MPP4: variants seen among roughly 807,000 people sequenced by gnomAD.
MPP4 encodes MAGUK p55 subfamily member 4.
In MPP4, 91 loss-of-function variants were observed where a neutral mutation model predicts 98.3. The ratio of observed to expected loss-of-function variants is 0.93; its 90% CI spans 0.78 to 1.10. The LOEUF is 1.10. MPP4 is among the 50% of genes least tolerant of loss of function. The probability of loss-of-function intolerance (pLI) is 0.00; values close to 1 mark genes in which losing one functional copy is unlikely to be tolerated. For synonymous variants in MPP4, 261 were observed against 271.8 expected (o/e 0.96, Z 0.39); for missense variants, 744 against 792.9 (o/e 0.94, Z 0.74).
At chr2:201,648,407 TTA>T (rs1402405274) in intron 20 of MPP4, among the ~76,000 whole-genome samples, 1 of 152,224 alleles carries the variant, frequency 6.6e-6, no homozygotes, top group Non-Finnish European at 1.5e-5. Flanking sequence ...GCAATTATTT[TTA>T]GAGTATAGTC....
At chr2:201,688,486 A>C (rs1056955607) in intron 4 of MPP4, among the ~76,000 whole-genome samples, 1 of 152,222 alleles carries the variant, frequency 6.6e-6, no homozygotes, top group African/African-American at 2.4e-5. Context: ...AGAAGGTGGC[A>C]TTTGAGTGGA....
intron 18 of MPP4, among the ~76,000 whole-genome samples, chr2:201,652,827 G>A (rs1263391839): frequency 6.6e-6 from 1 of 152,200 alleles, no homozygotes; most frequent in East Asian, 1.9e-4. Flanking sequence ...TAAGGCTAGA[G>A]TGCAGGGAGG....
chr2:201,656,923 T>G (rs573322862), intron 16 of MPP4, among the ~76,000 whole-genome samples: 2 of 152,170 alleles, frequency 1.3e-5, no homozygotes, highest in African/African-American at 4.8e-5. Context: ...GAAGCCTGTA[T>G]AGCTGCAGGG....
intron 11 of MPP4, chr2:201,674,957 C>T: frequency 1.6e-6 from 1 of 615,328 alleles, no homozygotes; most frequent in South Asian, 1.7e-5. Context: ...AGCTTCAACT[C>T]CCTATGATTT....
At chr2:201,686,127 A>C in intron 5 of MPP4, 77 bp from the exon 6 acceptor site, 1 of 1,515,504 alleles carries the variant, frequency 6.6e-7, no homozygotes, top group African/African-American at 1.4e-5. Context: ...ACTCAATACT[A>C]TCTAAGACAC....
chr2:201,681,098 G>T, intron 9 of MPP4, 64 bp from the exon 10 acceptor site: 2 of 1,507,894 alleles, frequency 1.3e-6, no homozygotes, highest in Non-Finnish European at 1.8e-6. Flanking sequence ...AAGAACCCTT[G>T]CCCATGGGCC....
intron 18 of MPP4, chr2:201,651,751 C>T (rs1043373507): frequency 1.7e-6 from 1 of 588,054 alleles, no homozygotes; most frequent in Admixed American, 6.4e-5. Context: ...GTCAGGAGTA[C>T]AAGACCAGCC....
At chr2:201,669,119 TGTGAGAGAGA>T (rs1688266865) in intron 12 of MPP4, among the ~76,000 whole-genome samples, 1 of 134,000 alleles carries the variant, frequency 7.5e-6, no homozygotes, top group Non-Finnish European at 1.6e-5. Context: ...TGTGTGTGTG[TGTGAGAGAGA>T]GAGAGAGAGA....
chr2:201,692,868 C>A (rs201652447), intron 3 of MPP4, 40 bp downstream of exon 3: 2 of 1,595,258 alleles, frequency 1.3e-6, no homozygotes, highest in Admixed American at 1.7e-5. Context: ...CCCCACAACC[C>A]CTTCAGCAAG....
At chr2:201,684,490 T>A (rs1252482837) in intron 7 of MPP4, among the ~76,000 whole-genome samples, 1 of 152,214 alleles carries the variant, frequency 6.6e-6, no homozygotes, top group Admixed American at 6.5e-5. Flanking sequence ...TAGTTACCTT[T>A]GAGGTTGCCA....
intron 3 of MPP4, among the ~76,000 whole-genome samples, chr2:201,692,509 A>C (rs1258257935): frequency 2.0e-5 from 3 of 149,132 alleles, no homozygotes; most frequent in African/African-American, 4.9e-5. Context: ...AGGCCAGCGC[A>C]TTCCAGCCTG....
Position 201,656,327 on chromosome 2 carries a change from G to A in MPP4, c.1171C>T (p.His391Tyr), listed in dbSNP as rs1687847344. The change falls in exon 17 of 22, where the codon CAC becomes TAC. Residue 391 changes from histidine (H) to tyrosine (Y), a missense_variant. By Grantham distance (83) the His-to-Tyr change is moderately conservative (BLOSUM62 2). Coordinates refer to ENST00000409474, the MANE Select transcript of MPP4 (RefSeq NM_033066.3). ...RSMRLCRRKS[H>Y]LSPLHASVCC... Reference sequence around the variant, plus strand: ...ACACTGGCATGCAGCGGGCTGAGGTGAGACTTCCTGCGACAAAGGCGCATG... The same window carrying A: ...ACACTGGCATGCAGCGGGCTGAGGTAAGACTTCCTGCGACAAAGGCGCATG... 1 of 1,557,414 alleles carries A rather than the reference G, an allele frequency of 6.4e-7. No homozygotes were observed. The highest frequency in any genetic ancestry group is 1.9e-5 in the Admixed American group (1 of 51,448).
chr2:201,645,474 A>G (rs1439226158), intron 21 of MPP4, 70 bp from the exon 22 acceptor site: 13 of 1,283,652 alleles, frequency 1.0e-5, no homozygotes, highest in Non-Finnish European at 1.4e-5. Context: ...ACAGTTTGTT[A>G]TGCTGTCACA....
intron 5 of MPP4, among the ~76,000 whole-genome samples, chr2:201,686,832 T>G (rs1389460836): frequency 6.6e-6 from 1 of 152,250 alleles, no homozygotes; most frequent in Admixed American, 6.5e-5. Context: ...CTGTAAGTAC[T>G]AAGAGATAGG....
intron 7 of MPP4, 73 bp downstream of exon 7, chr2:201,684,991 C>A: frequency 2.2e-5 from 25 of 1,125,168 alleles, no homozygotes; most frequent in Non-Finnish European, 2.9e-5. Context: ...AGGGATTTCT[C>A]TAGAAAGAAG....
At position 201,650,184 on chromosome 2, in the gene MPP4, G is replaced by T. The variant is rs774294099; in HGVS notation, c.1382-19C>A. On this transcript the variant is annotated intron_variant, in intron 18 of 21. Transcript: ENST00000409474. ...GTAGTGTCTATCAGAAAAAGGGAATGAAAGGTTTCAGTGTCTTCAGAATTC... is the reference window on the plus strand; with the variant it reads ...GTAGTGTCTATCAGAAAAAGGGAATTAAAGGTTTCAGTGTCTTCAGAATTC... 7.7e-6 allele frequency: 12 copies of T among 1,550,176 alleles called. No homozygotes were observed. In the South Asian group the frequency reaches 1.2e-4, roughly 16 times the overall value.
In MPP4 at chr2:201,650,096, A is replaced by T; in HGVS notation, c.1451T>A (p.Phe484Tyr). ...CCTGTGACTATATATGAGGTTTTCA[A>T]ATGTTTCCTTGGACACATAGTGATA... ...REYHYVSKET[F>Y]ENLIYSHRML... is the part of the protein sequence containing the mutation. The change falls in exon 19 of 22, where the codon TTT (phenylalanine) becomes TAT (tyrosine). Residue 484 changes from phenylalanine (F) to tyrosine (Y), a missense_variant. Physicochemically the swap from Phe to Tyr is conservative, Grantham distance 22 (BLOSUM62 3). Transcript: ENST00000409474. 6.3e-7 allele frequency: 1 copy of T among 1,578,166 alleles called. No homozygotes were observed. The highest frequency in any genetic ancestry group is 8.6e-7 in the Non-Finnish European group (1 of 1,159,716).
intron 7 of MPP4, 80 bp downstream of exon 7, chr2:201,684,984 G>A: frequency 2.6e-6 from 3 of 1,141,654 alleles, no homozygotes; most frequent in East Asian, 5.5e-5. Flanking sequence ...AAAAAAAAGG[G>A]ATTTCTCTAG....
intron 4 of MPP4, among the ~76,000 whole-genome samples, chr2:201,688,050 T>G (rs1409305949): frequency 6.6e-6 from 1 of 152,212 alleles, no homozygotes; most frequent in African/African-American, 2.4e-5. Flanking sequence ...CACTGGGATT[T>G]CAACTGAATA....
Sources: allele counts gnomAD v4.1 joint callset (sites outside exome capture counted in the v4.1 genomes callset), GRCh38; gene constraint gnomAD v4.1.1; transcripts MANE v1.5; gene names NCBI Gene and HGNC (gene_info 2026-07-23, HGNC 2026-07-21).